Variants in VPS13A observed in about 807,000 individuals in gnomAD.
VPS13A encodes the protein vacuolar protein sorting 13 homolog A.
Under a neutral mutation model 390.9 loss-of-function variants are expected in VPS13A, and 264 were observed. That is an observed-to-expected ratio of 0.68 (90% CI 0.61 to 0.75). The LOEUF is 0.75. Among genes scored for constraint, VPS13A ranks in the 30% least tolerant of loss-of-function variants. VPS13A has a pLI of 0.00. For missense variants in VPS13A, 3,409 were observed against 3,733.9 expected, an observed-to-expected ratio of 0.91 and a Z score of 2.27; for synonymous variants, 1,231 against 1,227.1, an observed-to-expected ratio of 1.00 and a Z score of -0.07.
chr9:77,260,904 A>AT (rs1290711848), intron 23 of VPS13A, among the ~76,000 whole-genome samples: 2,427 of 144,102 alleles, frequency 0.017, 63 homozygotes, highest in African/African-American at 0.056. Flanking sequence ...GTATATATTC[A>AT]TTTTTTTTTT....
chr9:77,413,902 AAAC>A (rs1355999524), intron 71 of VPS13A, among the ~76,000 whole-genome samples: 1 of 152,200 alleles, frequency 6.6e-6, no homozygotes, highest in Admixed American at 6.5e-5. Context: ...TACAAGAAAA[AAAC>A]AGCCCCATCA....
At chr9:77,415,041 AAC>A (rs1835116616) in intron 71 of VPS13A, among the ~76,000 whole-genome samples, 1 of 152,228 alleles carries the variant, frequency 6.6e-6, no homozygotes, top group Non-Finnish European at 1.5e-5. Flanking sequence ...AATAGTGGAA[AAC>A]ACAAAAGGAG....
At chr9:77,359,844 A>G (rs1587656428) in intron 58 of VPS13A, among the ~76,000 whole-genome samples, 1 of 151,214 alleles carries the variant, frequency 6.6e-6, no homozygotes, top group African/African-American at 2.4e-5. Flanking sequence ...GCGGCTCTGG[A>G]TGAAATACAT....
intron 68 of VPS13A, among the ~76,000 whole-genome samples, chr9:77,393,639 A>T (rs775065491): frequency 1.3e-5 from 2 of 152,232 alleles, no homozygotes; most frequent in Non-Finnish European, 2.9e-5. Flanking sequence ...GTACATCTTC[A>T]TCAGAGCTCT....
intron 23 of VPS13A, among the ~76,000 whole-genome samples, chr9:77,260,425 T>G (rs1033329534): frequency 1.1e-4 from 16 of 150,158 alleles, no homozygotes; most frequent in African/African-American, 3.9e-4. Flanking sequence ...GCGTGATCTC[T>G]GCTCACTGCA....
chr9:77,260,480 C>T (rs1825696214), intron 23 of VPS13A, among the ~76,000 whole-genome samples: 3 of 151,548 alleles, frequency 2.0e-5, no homozygotes, highest in South Asian at 2.1e-4. Context: ...CTCAGCCTCC[C>T]GAGTATCTGG....
intron 32 of VPS13A, among the ~76,000 whole-genome samples, chr9:77,294,016 G>T (rs1014478765): frequency 1.3e-5 from 2 of 151,864 alleles, no homozygotes; most frequent in African/African-American, 4.8e-5. Flanking sequence ...TGATCCTCCC[G>T]CCCCAACCTC....
chr9:77,377,212 T>TTGTTG (rs1554675541), intron 67 of VPS13A, among the ~76,000 whole-genome samples: 6 of 115,588 alleles, frequency 5.2e-5, no homozygotes, highest in Admixed American at 8.6e-5. Context: ...TGTTTTTTTT[T>TTGTTG]TTTTTTTTTT....
At chr9:77,329,018 T>TAC (rs1468760868) in intron 45 of VPS13A, among the ~76,000 whole-genome samples, 1 of 152,126 alleles carries the variant, frequency 6.6e-6, no homozygotes, top group Middle Eastern at 3.2e-3. Flanking sequence ...ACCACACACT[T>TAC]ACAAGACCAT....
chr9:77,252,479 G>A, intron 22 of VPS13A, 127 bp downstream of exon 22: 2 of 845,886 alleles, frequency 2.4e-6, no homozygotes, highest in South Asian at 1.3e-5. Context: ...TTCCTTGTGT[G>A]TGTGGTAAAA....
At chr9:77,322,246 C>G (rs1182368797) in intron 44 of VPS13A, among the ~76,000 whole-genome samples, 1 of 146,626 alleles carries the variant, frequency 6.8e-6, no homozygotes, top group Non-Finnish European at 1.5e-5. Flanking sequence ...TTTCCTTTGT[C>G]TTTTCTGCTT....
chr9:77,202,180 T>TA (rs1370561569), intron 3 of VPS13A, among the ~76,000 whole-genome samples: 2 of 152,144 alleles, frequency 1.3e-5, no homozygotes, highest in Non-Finnish European at 2.9e-5. Context: ...TATGTGTACT[T>TA]ATGGTTGGTA....
intron 52 of VPS13A, among the ~76,000 whole-genome samples, chr9:77,350,483 G>T (rs1455027420): frequency 6.6e-6 from 1 of 152,074 alleles, no homozygotes; most frequent in Non-Finnish European, 1.5e-5. Flanking sequence ...AAGATTTGTG[G>T]ATAGTGTTAT....
chr9:77,327,766 C>T (rs1478321542), intron 45 of VPS13A, among the ~76,000 whole-genome samples: 1 of 152,098 alleles, frequency 6.6e-6, no homozygotes, highest in Non-Finnish European at 1.5e-5. Flanking sequence ...GTCACCTCTT[C>T]AGGCTCCAAT....
In VPS13A at chr9:77,291,042, C is replaced by G. The variant is rs114352735; in HGVS notation, c.3340-2299C>G. Among the ~76,000 whole-genome samples, 1,289 of 152,266 alleles carry G rather than the reference C, an allele frequency of 8.5e-3. 23 individuals are homozygous for G. Among genetic ancestry groups the G allele is most frequent in the African/African-American group, 0.03 (1,239 of 41,544 alleles). ...TATCATGCATAGCAGGAGTCCCCAA[C>G]CCCCGGGCTGTAGAACGGTACCGGT... On this transcript the variant is annotated intron_variant, in intron 31 of 71. Coordinates refer to ENST00000360280, the MANE Select transcript of VPS13A (RefSeq NM_033305.3).
chr9:77,310,276 T>C (rs1828991358), intron 35 of VPS13A, among the ~76,000 whole-genome samples: 1 of 151,856 alleles, frequency 6.6e-6, no homozygotes, highest in African/African-American at 2.4e-5. Flanking sequence ...TCTATGTGAA[T>C]AGGCTAGAAA....
rs763173093 is a variant in VPS13A, at chr9:77,399,167, TAAAAAAAA to T, written c.9190-4063_9190-4056del. Among the ~76,000 whole-genome samples the T allele has an allele frequency of 1.9e-4, 16 of 86,126 alleles. No individual in the cohort carries two copies. The South Asian group carries it at 4.5e-3, about 24-fold the overall frequency. 56.5% of individuals were successfully genotyped at this position (86,126 alleles called of 152,430 possible). On this transcript the variant is annotated intron_variant, in intron 68 of 71. Transcript: ENST00000360280. ...ATGTACCCTAAAACTTAGAGTATAA[TAAAAAAAA>T]AAAAATAAAAAAAAAAAAAAAAAAA...
intron 45 of VPS13A, among the ~76,000 whole-genome samples, chr9:77,326,155 C>A (rs1830008176): frequency 6.6e-6 from 1 of 152,056 alleles, no homozygotes; most frequent in African/African-American, 2.4e-5. Flanking sequence ...CAAAATGTGT[C>A]AATCTTTTCT....
chr9:77,293,586 A>G, intron 32 of VPS13A, 78 bp downstream of exon 32: 1 of 853,916 alleles, frequency 1.2e-6, no homozygotes, highest in East Asian at 3.3e-5. Context: ...GAAGACTAGT[A>G]AGAATTCCTT....
Sources: gnomAD v4.1 joint callset for allele counts (sites outside exome capture counted in the v4.1 genomes callset) on GRCh38, gnomAD v4.1.1 for gene constraint, MANE v1.5 for transcripts, NCBI Gene and HGNC (gene_info 2026-07-23, HGNC 2026-07-21) for gene names.